Variants in LAMA2 observed in about 807,000 individuals in gnomAD.
LAMA2 encodes the protein laminin subunit alpha 2.
LAMA2 carries 269 observed loss-of-function variants against 364.8 expected under a neutral mutation model. That is an observed-to-expected ratio of 0.74 (90% CI 0.67 to 0.82). The LOEUF (loss-of-function observed/expected upper bound fraction) is 0.82, where lower values mean the gene tolerates loss of function less well. Ranked by LOEUF, LAMA2 falls within the 40% of genes least tolerant of loss-of-function variation. The pLI is 0.00. For missense variants in LAMA2, 3,807 were observed against 3,873.2 expected (o/e 0.98, Z 0.45); for synonymous variants, 1,379 against 1,370.6 (o/e 1.01, Z -0.14).
At chr6:128,935,390 T>A (rs1779756694) in intron 1 of LAMA2, among the ~76,000 whole-genome samples, 1 of 152,176 alleles carries the variant, frequency 6.6e-6, no homozygotes, top group Admixed American at 6.5e-5. Flanking sequence ...GCAAAGGACA[T>A]AAACTCATCT....
intron 12 of LAMA2, among the ~76,000 whole-genome samples, chr6:129,196,870 A>G (rs937057690): frequency 6.6e-6 from 1 of 152,202 alleles, no homozygotes; most frequent in Admixed American, 6.5e-5. Flanking sequence ...TTGTAAACCA[A>G]AAATAAAATT....
intron 4 of LAMA2, among the ~76,000 whole-genome samples, chr6:129,109,112 G>A (rs1047893741): frequency 6.6e-6 from 1 of 152,034 alleles, no homozygotes; most frequent in African/African-American, 2.4e-5. Flanking sequence ...GCTAGTGTGT[G>A]GGTGTCCCGG....
chr6:129,294,616 A>G (rs1428504368), intron 20 of LAMA2, among the ~76,000 whole-genome samples: 1 of 152,124 alleles, frequency 6.6e-6, no homozygotes, highest in East Asian at 1.9e-4. Context: ...TAAGATTTCT[A>G]CATATGAATT....
intron 45 of LAMA2, among the ~76,000 whole-genome samples, chr6:129,448,327 C>T (rs950797889): frequency 6.6e-5 from 10 of 151,918 alleles, no homozygotes; most frequent in Admixed American, 3.3e-4. Context: ...ACAAAAGTAA[C>T]GTTAAGAAAA....
intron 12 of LAMA2, among the ~76,000 whole-genome samples, chr6:129,205,757 G>T (rs922215525): frequency 1.3e-5 from 2 of 152,040 alleles, no homozygotes; most frequent in Non-Finnish European, 2.9e-5. Flanking sequence ...AGGTGCACTG[G>T]CTCACGCCTG....
At chr6:129,213,502 C>T (rs1783231904) in intron 12 of LAMA2, among the ~76,000 whole-genome samples, 1 of 152,140 alleles carries the variant, frequency 6.6e-6, no homozygotes, top group Non-Finnish European at 1.5e-5. Flanking sequence ...CAGCAATGAA[C>T]AAGAGTTCCT....
At chr6:129,175,105 CT>C (rs1193011762) in intron 9 of LAMA2, among the ~76,000 whole-genome samples, 5 of 152,192 alleles carry the variant, frequency 3.3e-5, no homozygotes, top group Non-Finnish European at 7.3e-5. Flanking sequence ...ATTGGGTAAT[CT>C]ATTAGAAACG....
chr6:129,058,693 A>C (rs558191434), intron 2 of LAMA2, among the ~76,000 whole-genome samples: 2 of 152,372 alleles, frequency 1.3e-5, no homozygotes, highest in South Asian at 4.1e-4. Flanking sequence ...TGTAAGGGCC[A>C]AGGGAAAACT....
chr6:129,242,314 T>C (rs1785445219), intron 12 of LAMA2, among the ~76,000 whole-genome samples: 1 of 152,190 alleles, frequency 6.6e-6, no homozygotes, highest in South Asian at 2.1e-4. Flanking sequence ...ATTGCATTGC[T>C]GATATCTCTT....
intron 1 of LAMA2, among the ~76,000 whole-genome samples, chr6:128,940,476 A>G (rs1330743971): frequency 6.6e-6 from 1 of 152,200 alleles, no homozygotes; most frequent in African/African-American, 2.4e-5. Flanking sequence ...TGTCTGGTAC[A>G]TTGCAGACAT....
At chr6:129,224,816 A>G (rs1784133691) in intron 12 of LAMA2, among the ~76,000 whole-genome samples, 1 of 152,202 alleles carries the variant, frequency 6.6e-6, no homozygotes, top group Non-Finnish European at 1.5e-5. Flanking sequence ...TGTCTCTGCC[A>G]GGCTTTTGTA....
intron 3 of LAMA2, among the ~76,000 whole-genome samples, chr6:129,067,632 G>A (rs950909021): frequency 6.6e-6 from 1 of 152,124 alleles, no homozygotes; most frequent in Non-Finnish European, 1.5e-5. Flanking sequence ...ATCACATTCA[G>A]TGGGAAAAGC....
chr6:129,053,957 G>A (rs929363984), intron 2 of LAMA2, among the ~76,000 whole-genome samples: 2 of 152,180 alleles, frequency 1.3e-5, no homozygotes, highest in Non-Finnish European at 2.9e-5. Context: ...AAGTGGTGGT[G>A]GGCATGGTGT....
chr6:129,436,589 A>G (rs1307792969), intron 41 of LAMA2, among the ~76,000 whole-genome samples: 1 of 152,144 alleles, frequency 6.6e-6, no homozygotes, highest in East Asian at 1.9e-4. Flanking sequence ...TTCTATCAGT[A>G]GAATTGCCAA....
rs1422245072 is a variant in LAMA2 at position 129,050,105 on chromosome 6, G to A, written c.283+17G>A. 1.9e-6 allele frequency: 3 copies of A among 1,613,834 alleles called. No homozygotes were observed. Among genetic ancestry groups the A allele is most frequent in the South Asian group, 2.2e-5 (2 of 91,060 alleles). ...ATCCAAACCGTATGTATTTTAGTGT[G>A]TAGGTGTGTGGCGCTGGGTAGGATC... is the stretch of plus-strand genomic sequence containing the variant. On this transcript the variant is annotated intron_variant, in intron 2 of 64. Transcript: ENST00000421865.
chr6:129,465,287 A>G lies in LAMA2; in HGVS notation c.7298A>G (p.Gln2433Arg). ...TTCACTCTGTCAAGAATTCAAAAAC[A>G]AGGTGAGTTTTTACAGTAATAATGC... The part of the protein sequence containing the change: ...KSFTLSRIQK[Q>R]ANISIVDIDT... The change falls in exon 51 of 65, where the codon CAA (glutamine) becomes CGA (arginine). Residue 2433 changes from glutamine to arginine, a missense_variant and splice_region_variant. By Grantham distance (43) the Gln-to-Arg change is conservative. Around this residue, in one of 3 missense-constraint regions of LAMA2, gnomAD observed 3,333 missense variants for 3,345.7 expected, o/e 1.00. Transcript: ENST00000421865. The G allele has an allele frequency of 6.2e-7, 1 of 1,609,808 alleles. No homozygotes were observed.
At chr6:129,042,938 C>T (rs76568136) in intron 1 of LAMA2, among the ~76,000 whole-genome samples, 3,607 of 152,068 alleles carry the variant, frequency 0.024, 129 homozygotes, top group African/African-American at 0.081. Context: ...AAGGTGTTTC[C>T]AGGTTTGGCT....
chr6:129,148,798 T>A (rs544386659), intron 6 of LAMA2, among the ~76,000 whole-genome samples, 181 bp from the exon 7 acceptor site: 6 of 152,166 alleles, frequency 3.9e-5, no homozygotes, highest in Admixed American at 1.3e-4. Context: ...TTCCTTAAGG[T>A]GATGTTGATC....
intron 37 of LAMA2, among the ~76,000 whole-genome samples, chr6:129,399,559 G>A (rs887495514): frequency 2.0e-5 from 3 of 152,326 alleles, no homozygotes; most frequent in South Asian, 2.1e-4. Context: ...AACCAGAAGG[G>A]CTGTCACTTG....
Sources: allele counts gnomAD v4.1 joint callset (sites outside exome capture counted in the v4.1 genomes callset), GRCh38; gene constraint gnomAD v4.1.1; regional missense constraint gnomAD v4.1.1; transcripts MANE v1.5; gene names NCBI Gene and HGNC (gene_info 2026-07-23, HGNC 2026-07-21).